The following CNTNAP2 variants were observed in gnomAD, a reference collection of about 807,000 sequenced individuals.
The protein encoded by CNTNAP2 is contactin-associated protein-like 2.
A neutral mutation model predicts 155.2 loss-of-function variants in CNTNAP2; 98 were observed. That is an observed-to-expected ratio of 0.63 (90% confidence interval 0.54 to 0.75). The LOEUF is 0.75. Ranked by LOEUF, CNTNAP2 falls within the 30% of genes least tolerant of loss-of-function variation. The probability of loss-of-function intolerance (pLI) is 0.00; values close to 1 mark genes in which losing one functional copy is unlikely to be tolerated. For synonymous variants in CNTNAP2, 651 were observed against 631.2 expected (o/e 1.03, Z -0.47); for missense variants, 1,727 against 1,688.1 (o/e 1.02, Z -0.40).
intron 14 of CNTNAP2, among the ~76,000 whole-genome samples, chr7:147,945,379 C>T (rs1301010024): frequency 1.3e-5 from 2 of 151,954 alleles, no homozygotes; most frequent in East Asian, 1.9e-4. Flanking sequence ...TTAAGTTTCC[C>T]GGATCTTTTC....
chr7:147,693,300 T>A (rs1179798423), intron 13 of CNTNAP2, among the ~76,000 whole-genome samples: 1 of 152,078 alleles, frequency 6.6e-6, no homozygotes, highest in Non-Finnish European at 1.5e-5. Flanking sequence ...ACTTTAGTCT[T>A]CTTTAATATT....
intron 13 of CNTNAP2, among the ~76,000 whole-genome samples, chr7:147,828,659 C>T (rs1318778515): frequency 6.6e-6 from 1 of 152,132 alleles, no homozygotes; most frequent in Non-Finnish European, 1.5e-5. Context: ...GCTATTACCC[C>T]ATGCTACACC....
intron 23 of CNTNAP2, among the ~76,000 whole-genome samples, chr7:148,412,099 T>C (rs1285525439): frequency 1.6e-5 from 2 of 127,712 alleles, no homozygotes; most frequent in East Asian, 2.1e-4. Context: ...CGCACCACCA[T>C]GTCCAGCTAA....
At chr7:146,739,715 A>G (rs148444430) in intron 1 of CNTNAP2, among the ~76,000 whole-genome samples, 3 of 151,976 alleles carry the variant, frequency 2.0e-5, no homozygotes, top group Non-Finnish European at 4.4e-5. Flanking sequence ...TGCCTGGGTG[A>G]TCTGTCCATT....
intron 3 of CNTNAP2, among the ~76,000 whole-genome samples, chr7:146,964,740 A>G (rs1797622281): frequency 6.6e-6 from 1 of 152,218 alleles, no homozygotes; most frequent in African/African-American, 2.4e-5. Flanking sequence ...AGATACAAGT[A>G]TTGTAGGCTT....
Position 146,714,955 on chromosome 7 carries a change from A to G in CNTNAP2, c.98-59316A>G, listed in dbSNP as rs139398967. On this transcript the variant is annotated intron_variant, in intron 1 of 23. Transcript: ENST00000361727. The stretch of plus-strand genomic sequence containing the variant: ...TTTTTCATCTGCAAAACAGGATTGA[A>G]TAACACTCTTACCTACTCAGGTAAT... Among the ~76,000 whole-genome samples the G allele has an allele frequency of 3.0e-3, 464 of 152,278 alleles. 3 individuals carry two copies. The highest frequency in any genetic ancestry group is 0.01 in the African/African-American group (432 of 41,560).
Position 147,471,977 on chromosome 7 carries a change from GAA to G in CNTNAP2, c.1671-13955_1671-13954del, listed in dbSNP as rs146909854. On this transcript the variant is annotated intron_variant, in intron 10 of 23. Transcript: ENST00000361727. ...TACAGATCTTTTTGTAAAGATTGAG[GAA>G]AAGAGTGTATTTGAAAAAAAGAAGC... 1.7e-3 allele frequency among the ~76,000 whole-genome samples: 255 copies of G among 152,248 alleles called. 1 individual carries two copies. In the East Asian group the frequency reaches 0.034, roughly 20 times the overall value.
intron 15 of CNTNAP2, among the ~76,000 whole-genome samples, chr7:148,021,236 T>G (rs1802274700): frequency 6.6e-6 from 1 of 152,172 alleles, no homozygotes; most frequent in South Asian, 2.1e-4. Flanking sequence ...TCAAATAAAT[T>G]TATTAAACAC....
intron 12 of CNTNAP2, among the ~76,000 whole-genome samples, chr7:147,630,024 GA>G (rs577002594): frequency 5.9e-4 from 89 of 151,340 alleles, no homozygotes; most frequent in Middle Eastern, 3.4e-3. Context: ...AAAGATAAAT[GA>G]AAAAAAGTGG....
intron 1 of CNTNAP2, among the ~76,000 whole-genome samples, chr7:146,689,753 A>G (rs1342078322): frequency 6.6e-6 from 1 of 152,172 alleles, no homozygotes; most frequent in Non-Finnish European, 1.5e-5. Flanking sequence ...TGGTTTCTTC[A>G]GGGAATCAAA....
At chr7:146,636,160 C>T (rs548801891) in intron 1 of CNTNAP2, among the ~76,000 whole-genome samples, 74 of 150,406 alleles carry the variant, frequency 4.9e-4, no homozygotes, top group African/African-American at 1.6e-3. Context: ...GAGAGGTGGA[C>T]TACAGCGGTG....
chr7:147,384,700 C>T (rs1038557368), intron 9 of CNTNAP2, among the ~76,000 whole-genome samples: 1 of 152,140 alleles, frequency 6.6e-6, no homozygotes, highest in African/African-American at 2.4e-5. Context: ...CAAATTAGAG[C>T]TCTTGGATGA....
At chr7:147,131,285 T>C (rs769763330) in intron 7 of CNTNAP2, among the ~76,000 whole-genome samples, 2 of 151,038 alleles carry the variant, frequency 1.3e-5, no homozygotes, top group Non-Finnish European at 3.0e-5. Context: ...TAAAAATATA[T>C]AGAGAAAAAG....
At chr7:148,218,686 G>A (rs187535872) in intron 19 of CNTNAP2, among the ~76,000 whole-genome samples, 6 of 152,028 alleles carry the variant, frequency 3.9e-5, no homozygotes, top group Non-Finnish European at 5.9e-5. Flanking sequence ...CACCATGCCC[G>A]GCCCAGGGGT....
chr7:147,712,728 A>T (rs1796417721), intron 13 of CNTNAP2, among the ~76,000 whole-genome samples: 1 of 152,142 alleles, frequency 6.6e-6, no homozygotes, highest in Non-Finnish European at 1.5e-5. Context: ...GGAACATCAC[A>T]CACCGGGGCC....
intron 13 of CNTNAP2, among the ~76,000 whole-genome samples, chr7:147,762,809 G>GGGAAGGAAAGGAAGGAAGGGAAGGAAA (rs1310383576): frequency 2.6e-5 from 4 of 151,236 alleles, no homozygotes; most frequent in African/African-American, 9.8e-5. Flanking sequence ...AGGGAAGGAA[G>GGGAAGGAAAGGAAGGAAGGGAAGGAAA]GGAAGGAAAG....
At chr7:147,415,463 G>T (rs545431835) in intron 10 of CNTNAP2, among the ~76,000 whole-genome samples, 220 of 152,278 alleles carry the variant, frequency 1.4e-3, no homozygotes, top group Middle Eastern at 3.4e-3. Context: ...GAGCTCTCAC[G>T]AGATCTGATG....
At chr7:146,465,988 G>T (rs74515316) in intron 1 of CNTNAP2, among the ~76,000 whole-genome samples, 1 of 152,116 alleles carries the variant, frequency 6.6e-6, no homozygotes, top group African/African-American at 2.4e-5. Flanking sequence ...ACTTACCTGA[G>T]TAGTGGGCAT....
At chr7:146,914,147 G>A (rs940585932) in intron 3 of CNTNAP2, among the ~76,000 whole-genome samples, 3 of 151,550 alleles carry the variant, frequency 2.0e-5, no homozygotes, top group African/African-American at 7.3e-5. Flanking sequence ...TTATGGCTCA[G>A]TCGTATTCAT....
Sources: allele counts gnomAD v4.1 joint callset (sites outside exome capture counted in the v4.1 genomes callset), GRCh38; gene constraint gnomAD v4.1.1; transcripts MANE v1.5; gene names NCBI Gene and HGNC (gene_info 2026-07-23, HGNC 2026-07-21).